Variants in FXYD6 observed in about 807,000 individuals in gnomAD.
FXYD6 encodes the protein FXYD domain containing ion transport regulator 6, also known as FXYD domain-containing ion transport regulator 6.
A neutral mutation model predicts 16.7 loss-of-function variants in FXYD6; 7 were observed. The ratio of observed to expected loss-of-function variants is 0.42; its 90% CI spans 0.24 to 0.79. The LOEUF (loss-of-function observed/expected upper bound fraction) is 0.79. Among genes scored for constraint, FXYD6 ranks in the 30% least tolerant of loss-of-function variants. The probability of loss-of-function intolerance (pLI) is 0.28; values close to 1 mark genes in which losing one functional copy is unlikely to be tolerated. For missense variants in FXYD6, 111 were observed against 116.2 expected, an observed-to-expected ratio of 0.95 and a Z score of 0.21; for synonymous variants, 49 against 43.0, an observed-to-expected ratio of 1.14 and a Z score of -0.54.
At chr11:117,838,505 G>C (rs1264799172) in intron 7 of FXYD6, 1 of 589,076 alleles carries the variant, frequency 1.7e-6, no homozygotes, top group Non-Finnish European at 3.0e-6. Flanking sequence ...TTAAACCCAG[G>C]ACCTCCCCAG....
intron 1 of FXYD6, among the ~76,000 whole-genome samples, chr11:117,852,057 G>A (rs1437881748): frequency 5.9e-5 from 9 of 152,220 alleles, no homozygotes; most frequent in Admixed American, 5.9e-4. Flanking sequence ...GGAATTGTGG[G>A]AAGCCTCTAG....
intron 1 of FXYD6, among the ~76,000 whole-genome samples, chr11:117,858,627 T>C (rs73593348): frequency 0.02 from 2,928 of 148,454 alleles, 102 homozygotes; most frequent in East Asian, 0.082. Context: ...TGCTTCATTT[T>C]CTTTTTTCTT....
At chr11:117,859,296 G>T (rs919535946) in intron 1 of FXYD6, among the ~76,000 whole-genome samples, 6 of 152,232 alleles carry the variant, frequency 3.9e-5, no homozygotes, top group Non-Finnish European at 4.4e-5. Context: ...CGGGGTTGGA[G>T]ATCTTTGTGC....
intron 1 of FXYD6, among the ~76,000 whole-genome samples, chr11:117,861,730 C>T (rs2056910549): frequency 6.6e-6 from 1 of 152,326 alleles, no homozygotes; most frequent in African/African-American, 2.4e-5. Flanking sequence ...GTTACTTCCT[C>T]CCCCTTCCCT....
intron 1 of FXYD6, among the ~76,000 whole-genome samples, chr11:117,862,043 G>A (rs1235500773): frequency 6.6e-6 from 1 of 152,232 alleles, no homozygotes; most frequent in Admixed American, 6.5e-5. Context: ...GAGGACATGA[G>A]GCAGCAGGAG....
At chr11:117,845,891 C>T (rs2056455550) in intron 1 of FXYD6, among the ~76,000 whole-genome samples, 1 of 152,316 alleles carries the variant, frequency 6.6e-6, no homozygotes, top group East Asian at 1.9e-4. Context: ...TTACAAAAAA[C>T]ATTTCCAGGC....
intron 1 of FXYD6, among the ~76,000 whole-genome samples, chr11:117,875,806 C>T (rs979907775): frequency 2.0e-5 from 3 of 152,212 alleles, no homozygotes; most frequent in Admixed American, 2.0e-4. Flanking sequence ...CCAGCTCCCA[C>T]CCTCGGGTGC....
intron 1 of FXYD6, chr11:117,858,308 T>G (rs1341906437): frequency 2.6e-5 from 4 of 152,220 alleles, no homozygotes; most frequent in Non-Finnish European, 5.9e-5. Context: ...AAAAGGAAAA[T>G]GAAGGACAAA....
At chr11:117,855,873 G>C (rs1222306206) in intron 1 of FXYD6, among the ~76,000 whole-genome samples, 1 of 152,150 alleles carries the variant, frequency 6.6e-6, no homozygotes, top group African/African-American at 2.4e-5. Flanking sequence ...TCACTCTCTT[G>C]CTCCCCAACT....
At chr11:117,871,695 T>A (rs2057140695) in intron 1 of FXYD6, among the ~76,000 whole-genome samples, 1 of 152,212 alleles carries the variant, frequency 6.6e-6, no homozygotes, top group Admixed American at 6.5e-5. Context: ...ACTATCATTA[T>A]TACAGCAGCT....
chr11:117,862,492 C>G (rs1411271326), intron 1 of FXYD6, among the ~76,000 whole-genome samples: 2 of 152,210 alleles, frequency 1.3e-5, no homozygotes, highest in Non-Finnish European at 2.9e-5. Context: ...CACGCCCTTC[C>G]CTGGCTACAG....
chr11:117,839,953 G>A lies in FXYD6; in HGVS notation c.260-123C>T, dbSNP rs192023074. The A allele has an allele frequency of 7.3e-4, 920 of 1,257,372 alleles. 3 individuals carry two copies. In the African/African-American group the frequency reaches 0.011, roughly 16 times the overall value. 77.9% of individuals were successfully genotyped at this position (1,257,372 alleles called of 1,614,324 possible). ...AAAGAGGTGACGGGCATGGGATTTC[G>A]AGTCAGAACGATCTGGGTTCAATCC... On this transcript the variant is annotated intron_variant, in intron 6 of 7. Transcript: ENST00000526014.
chr11:117,856,039 C>T (rs1176066898), intron 1 of FXYD6, among the ~76,000 whole-genome samples: 1 of 152,156 alleles, frequency 6.6e-6, no homozygotes, highest in Non-Finnish European at 1.5e-5. Context: ...TATTGGCAAG[C>T]AGCTGAGGTT....
chr11:117,841,092 C>A, intron 5 of FXYD6, 56 bp downstream of exon 5: 1 of 1,608,720 alleles, frequency 6.2e-7, no homozygotes, highest in Non-Finnish European at 8.5e-7. Context: ...CACCAGGGGT[C>A]CCTTCCTGTC....
chr11:117,843,996 C>G (rs1426903187), intron 1 of FXYD6: 1 of 152,366 alleles, frequency 6.6e-6, no homozygotes, highest in African/African-American at 2.4e-5. Context: ...TTTCCTGAAC[C>G]AGGAAAGCCC....
At chr11:117,848,344 T>C (rs1031058244) in intron 1 of FXYD6, among the ~76,000 whole-genome samples, 36 of 152,220 alleles carry the variant, frequency 2.4e-4, no homozygotes, top group African/African-American at 8.4e-4. Flanking sequence ...AAGTAAATTG[T>C]ATGTATGGAT....
In FXYD6 at chr11:117,842,012, C is replaced by T. The variant is rs1322477221; in HGVS notation, c.75G>A (p.Lys25=). ...CACCATAATGAAAAGGGTCCATTTC[C>T]TTCTCCTTTTCAGCTGCTGCAAAAA... The part of the protein sequence containing the change: ...MVLASAAEKE[K]EMDPFHYDYQ... Residue 25 remains lysine (K), a synonymous_variant, in exon 3 of 8, where the codon AAG becomes AAA. Transcript: ENST00000526014. The T allele has an allele frequency of 6.8e-6, 11 of 1,614,080 alleles. No individual in the cohort carries two copies. Among genetic ancestry groups the T allele is most frequent in the Non-Finnish European group, 9.3e-6 (11 of 1,180,038 alleles).
chr11:117,860,977 C>T (rs1045989605), intron 1 of FXYD6, among the ~76,000 whole-genome samples: 1 of 152,204 alleles, frequency 6.6e-6, no homozygotes, highest in Non-Finnish European at 1.5e-5. Flanking sequence ...TCCCAAGCAA[C>T]CTGGCTCCAG....
rs1197239262 is a variant in FXYD6, at chr11:117,837,166, A to T, written c.*1133T>A. The stretch of plus-strand genomic sequence containing the variant: ...GACCTTCAACCTCTCACTGTTCCCA[A>T]GGGCTGCACGGAGCCTGCTGAGTCT... On this transcript the variant is annotated 3_prime_UTR_variant, in exon 8 of 8. Transcript: ENST00000526014. This position sits in a 1 kb window ranked among gnomAD's most constrained non-coding sequence, Gnocchi z 4.4. The T allele has an allele frequency of 6.6e-6, 1 of 152,064 alleles. No homozygotes were observed. Among genetic ancestry groups the T allele is most frequent in the Non-Finnish European group, 1.5e-5 (1 of 68,028 alleles). The allele number at this position is 152,064 out of a possible 1,614,324, so 9.4% of individuals were successfully genotyped here. A position where few individuals can be genotyped will look rare whatever the true frequency, so the allele number is the denominator to read the frequency against.
Sources: gnomAD v4.1 joint callset for allele counts (sites outside exome capture counted in the v4.1 genomes callset) on GRCh38, gnomAD v4.1.1 for gene constraint, Gnocchi (gnomAD v3.1) non-coding constraint, MANE v1.5 for transcripts, NCBI Gene and HGNC (gene_info 2026-07-23, HGNC 2026-07-21) for gene names.